The following CDK5RAP2 variants were observed in gnomAD, a reference collection of about 807,000 sequenced individuals.
CDK5RAP2 encodes CDK5 regulatory subunit associated protein 2, also known as CDK5 regulatory subunit-associated protein 2.
A neutral mutation model predicts 232.9 loss-of-function variants in CDK5RAP2; 147 were observed. The ratio of observed to expected loss-of-function variants is 0.63; its 90% CI spans 0.55 to 0.72. CDK5RAP2 has a LOEUF of 0.72. CDK5RAP2 is among the 30% of genes least tolerant of loss of function. The pLI, the probability that CDK5RAP2 is intolerant of heterozygous loss-of-function variation, is 0.00. For missense variants in CDK5RAP2, 2,195 were observed against 2,231.5 expected, an observed-to-expected ratio of 0.98 and a Z score of 0.33; for synonymous variants, 833 against 833.7, an observed-to-expected ratio of 1.00 and a Z score of 0.01.
At position 120,415,116 on chromosome 9, in the gene CDK5RAP2, C is replaced by T. The variant is rs751208939; in HGVS notation, c.4221G>A (p.Lys1407=). 11 of 1,614,024 alleles carry T rather than the reference C, an allele frequency of 6.8e-6. No homozygotes were observed. The highest frequency in any genetic ancestry group is 1.6e-4 in the Middle Eastern group (1 of 6,084). The stretch of plus-strand genomic sequence containing the variant: ...TTGTTTTAATAGATTCTTCTAAACG[C>T]TTTCTCAAAGTTCGAATTTCCTGTA... ...EHIQEIRTLR[K]RLEESIKTNE... Residue 1407 remains lysine, a synonymous_variant, in exon 28 of 38, where the codon AAG becomes AAA. Transcript: ENST00000349780.
intron 5 of CDK5RAP2, among the ~76,000 whole-genome samples, chr9:120,540,828 G>A (rs2041601078): frequency 6.6e-6 from 1 of 152,232 alleles, no homozygotes; most frequent in South Asian, 2.1e-4. Context: ...CTAGCCCTTG[G>A]CCTCTGAGGC....
In CDK5RAP2 at chr9:120,400,758, G is replaced by T. The variant is rs1393492398; in HGVS notation, c.5435C>A (p.Pro1812His). The change falls in exon 35 of 38, where the codon CCC becomes CAC. Residue 1812 changes from proline (P) to histidine (H), a missense_variant. Pro to His is a moderately conservative substitution (Grantham distance 77). Coordinates refer to ENST00000349780, the MANE Select transcript of CDK5RAP2 (RefSeq NM_018249.6). ...ACCACCTACCTGCTCACAGTGAAGGGGGCACTGGCCATCCTCGGGGAGTGA... is the reference window on the plus strand; with the variant it reads ...ACCACCTACCTGCTCACAGTGAAGGTGGCACTGGCCATCCTCGGGGAGTGA... ...RVSLPEDGQC[P>H]LHCEQIGEMK... 2 of 1,613,736 alleles carry T rather than the reference G, an allele frequency of 1.2e-6. No homozygotes were observed. The highest frequency in any genetic ancestry group is 8.5e-7 in the Non-Finnish European group (1 of 1,180,022).
intron 12 of CDK5RAP2, among the ~76,000 whole-genome samples, chr9:120,498,009 C>G (rs577146810): frequency 6.6e-6 from 1 of 152,184 alleles, no homozygotes; most frequent in Non-Finnish European, 1.5e-5. Context: ...TGGCTCCTTG[C>G]TCTCCCAGGA....
intron 20 of CDK5RAP2, among the ~76,000 whole-genome samples, chr9:120,456,376 C>A (rs2131424846): frequency 6.6e-6 from 1 of 152,326 alleles, no homozygotes; most frequent in South Asian, 2.1e-4. Context: ...TCCGAACTTC[C>A]CTCCCTCCGA....
chr9:120,439,153 C>T (rs1467307378), intron 24 of CDK5RAP2, among the ~76,000 whole-genome samples: 6 of 152,136 alleles, frequency 3.9e-5, no homozygotes, highest in Admixed American at 1.3e-4. Context: ...ATCTGCCCTG[C>T]AGATTTCCAG....
intron 12 of CDK5RAP2, among the ~76,000 whole-genome samples, chr9:120,509,021 G>A (rs190183141): frequency 7.5e-4 from 114 of 152,264 alleles, no homozygotes; most frequent in Non-Finnish European, 1.4e-3. Flanking sequence ...GGAGATTACA[G>A]CAATTCCATA....
chr9:120,579,732 G>A (rs1172619366), intron 1 of CDK5RAP2, among the ~76,000 whole-genome samples, 188 bp downstream of exon 1: 1 of 152,196 alleles, frequency 6.6e-6, no homozygotes, highest in African/African-American at 2.4e-5. Flanking sequence ...TGTGGTGCAG[G>A]TCGCGGCTCC....
intron 3 of CDK5RAP2, 63 bp downstream of exon 3, chr9:120,568,258 T>C: frequency 1.6e-6 from 2 of 1,278,974 alleles, no homozygotes; most frequent in South Asian, 2.4e-5. Context: ...CTTTCCTGGG[T>C]CTGGCTGGAC....
At chr9:120,432,472 A>G (rs890892826) in intron 25 of CDK5RAP2, among the ~76,000 whole-genome samples, 1 of 152,208 alleles carries the variant, frequency 6.6e-6, no homozygotes, top group Non-Finnish European at 1.5e-5. Flanking sequence ...CTCATGCTAT[A>G]TGACTGCCTC....
chr9:120,433,819 T>G (rs577780969), intron 25 of CDK5RAP2, among the ~76,000 whole-genome samples: 1 of 152,136 alleles, frequency 6.6e-6, no homozygotes, highest in Non-Finnish European at 1.5e-5. Flanking sequence ...CACAGATGAG[T>G]TGCTTACTCT....
intron 13 of CDK5RAP2, among the ~76,000 whole-genome samples, chr9:120,488,191 C>A (rs1020696933): frequency 2.6e-5 from 4 of 152,194 alleles, no homozygotes; most frequent in Non-Finnish European, 2.9e-5. Flanking sequence ...AGAACCACAT[C>A]TTATTCCTAA....
At chr9:120,454,172 C>G (rs1342719443) in intron 20 of CDK5RAP2, among the ~76,000 whole-genome samples, 1 of 152,178 alleles carries the variant, frequency 6.6e-6, no homozygotes, top group Non-Finnish European at 1.5e-5. Flanking sequence ...AGGCTGGGCC[C>G]AGGTAGAAAC....
chr9:120,432,123 C>CT (rs2035319423), intron 25 of CDK5RAP2, among the ~76,000 whole-genome samples: 3 of 152,178 alleles, frequency 2.0e-5, no homozygotes, highest in Admixed American at 2.0e-4. Flanking sequence ...GTACAGTGTT[C>CT]TTTATAATAG....
intron 3 of CDK5RAP2, among the ~76,000 whole-genome samples, chr9:120,558,107 A>G (rs1392921297): frequency 1.5e-4 from 21 of 139,128 alleles, no homozygotes; most frequent in African/African-American, 1.5e-4. Context: ...GGGCACGGTG[A>G]CTCACGCCTG....
chr9:120,413,555 C>CA (rs1330441628), intron 28 of CDK5RAP2, among the ~76,000 whole-genome samples: 7 of 152,218 alleles, frequency 4.6e-5, no homozygotes, highest in Non-Finnish European at 1.0e-4. Flanking sequence ...ACCTTCCCGT[C>CA]AGAGTGAATT....
intron 35 of CDK5RAP2, among the ~76,000 whole-genome samples, chr9:120,398,573 G>T (rs1419506738): frequency 6.6e-6 from 1 of 151,978 alleles, no homozygotes; most frequent in Non-Finnish European, 1.5e-5. Flanking sequence ...TTCTCATTTT[G>T]ATTTTTTATA....
intron 36 of CDK5RAP2, among the ~76,000 whole-genome samples, chr9:120,391,029 G>T (rs1431061905): frequency 2.0e-5 from 3 of 152,088 alleles, no homozygotes; most frequent in African/African-American, 7.2e-5. Context: ...CCTGACATGG[G>T]GCCCTGGATA....
chr9:120,571,922 G>T, intron 2 of CDK5RAP2, 52 bp downstream of exon 2: 1 of 1,413,990 alleles, frequency 7.1e-7, no homozygotes, highest in Non-Finnish European at 1.0e-6. Context: ...ACAGTCCAAT[G>T]TCTACTTTCC....
intron 28 of CDK5RAP2, among the ~76,000 whole-genome samples, chr9:120,413,908 C>G (rs546451088): frequency 8.5e-5 from 13 of 152,070 alleles, no homozygotes; most frequent in African/African-American, 3.1e-4. Context: ...GCAGCATGCA[C>G]GGTACTTGGG....
Sources: allele counts gnomAD v4.1 joint callset (sites outside exome capture counted in the v4.1 genomes callset), GRCh38; gene constraint gnomAD v4.1.1; transcripts MANE v1.5; gene names NCBI Gene and HGNC (gene_info 2026-07-23, HGNC 2026-07-21).